The following PXDN variants were observed in gnomAD, a reference collection of about 807,000 sequenced individuals.
The protein encoded by PXDN is peroxidasin homolog.
Under a neutral mutation model 140.3 loss-of-function variants are expected in PXDN, and 77 were observed. The observed-to-expected ratio is 0.55, with a 90% CI of 0.46 to 0.66. PXDN has a LOEUF of 0.66. Ranked by LOEUF, PXDN falls within the 30% of genes least tolerant of loss-of-function variation. The pLI is 0.00. For synonymous variants in PXDN, 911 were observed against 857.4 expected (o/e 1.06, Z -1.09); for missense variants, 1,838 against 2,039.5 (o/e 0.90, Z 1.90).
At chr2:1,668,309 G>A (rs1683493185) in intron 9 of PXDN, among the ~76,000 whole-genome samples, 1 of 152,132 alleles carries the variant, frequency 6.6e-6, no homozygotes, top group South Asian at 2.1e-4. Flanking sequence ...CTCAAAGATG[G>A]ATTAAAGACT....
chr2:1,710,277 G>A (rs1684720231), intron 1 of PXDN, among the ~76,000 whole-genome samples: 1 of 152,126 alleles, frequency 6.6e-6, no homozygotes, highest in African/African-American at 2.4e-5. Flanking sequence ...AAATACAGGT[G>A]TTGCCCAAGC....
At chr2:1,691,358 C>T (rs904456719) in intron 3 of PXDN, among the ~76,000 whole-genome samples, 9 of 152,056 alleles carry the variant, frequency 5.9e-5, no homozygotes, top group South Asian at 2.1e-4. Flanking sequence ...CTGATCTCAA[C>T]GAGCAGAAGA....
rs1682920140 is a variant in PXDN, at chr2:1,648,678, C to T, written c.3102G>A (p.Trp1034Ter). The T allele has an allele frequency of 6.2e-7, 1 of 1,608,408 alleles. No homozygotes were observed. The highest frequency in any genetic ancestry group is 8.5e-7 in the Non-Finnish European group (1 of 1,177,852). Residue 1034 changes from tryptophan (W) to a stop codon, truncating the protein, a stop_gained, in exon 17 of 23, where the codon TGG becomes TGA. Coordinates refer to ENST00000252804, the MANE Select transcript of PXDN (RefSeq NM_012293.3). LOFTEE classifies it high-confidence loss of function. This position sits in a 1 kb window ranked among gnomAD's most constrained non-coding sequence, Gnocchi z 8.9. ...AEIQHITYQH[W>*]LPKILGEVGM... ...CCACCTCCCCCAGGATCTTCGGGAG[C>T]CAGTGCTGGTAGGTGATGTGCTGGA...
chr2:1,737,491 G>A (rs1393715589), intron 1 of PXDN, among the ~76,000 whole-genome samples: 1 of 151,914 alleles, frequency 6.6e-6, no homozygotes, highest in African/African-American at 2.4e-5. Context: ...TTTTGCTGTG[G>A]CCTTTTGGAT....
At chr2:1,654,342 C>T in intron 15 of PXDN, 58 bp downstream of exon 15, 12 of 1,239,528 alleles carry the variant, frequency 9.7e-6, no homozygotes, top group African/African-American at 5.9e-5. Flanking sequence ...TAATCACTCC[C>T]ACCTTCACCC....
intron 14 of PXDN, among the ~76,000 whole-genome samples, chr2:1,657,169 C>T (rs868322873): frequency 6.8e-6 from 1 of 146,640 alleles, no homozygotes; most frequent in Admixed American, 6.7e-5. Context: ...CTCCTACTGA[C>T]TGGGGGGGAA....
chr2:1,684,223 T>C (rs975677035), intron 4 of PXDN, 72 bp from the exon 5 acceptor site: 19 of 1,316,976 alleles, frequency 1.4e-5, no homozygotes, highest in South Asian at 5.1e-5. Flanking sequence ...TGCCCAAATT[T>C]TTTTCCTAGT....
chr2:1,650,559 T>C (rs1682992778), intron 16 of PXDN, among the ~76,000 whole-genome samples: 1 of 152,158 alleles, frequency 6.6e-6, no homozygotes, highest in Admixed American at 6.5e-5. Context: ...CTCCACGTCC[T>C]GGGGTCAGAC....
rs770995717 is a variant in PXDN at position 1,648,549 on chromosome 2, G to T, written c.3231C>A (p.Val1077=). Residue 1077 remains valine (V), a synonymous_variant, in exon 17 of 23, where the codon GTC becomes GTA. Transcript: ENST00000252804. This position sits in a 1 kb window ranked among gnomAD's most constrained non-coding sequence, Gnocchi z 8.9. ...CGTCCAGCCGGTAAAGCAGTGGGTT[G>T]ACAAGCGTGTGGCCAAACCTGAAGG... is the stretch of plus-strand genomic sequence containing the variant. The part of the protein sequence containing the change: ...TAAFRFGHTL[V]NPLLYRLDEN... 2 of 1,613,740 alleles carry T rather than the reference G, an allele frequency of 1.2e-6. No homozygotes were observed. Among genetic ancestry groups the T allele is most frequent in the South Asian group, 2.2e-5 (2 of 91,080 alleles).
chr2:1,666,576 A>T, intron 9 of PXDN, 90 bp from the exon 10 acceptor site: 1 of 1,413,376 alleles, frequency 7.1e-7, no homozygotes, highest in East Asian at 2.4e-5. Context: ...TATTAATTCT[A>T]TTTACCACCG....
intron 1 of PXDN, among the ~76,000 whole-genome samples, chr2:1,732,961 T>G (rs940599332): frequency 5.3e-5 from 8 of 152,164 alleles, no homozygotes; most frequent in Non-Finnish European, 1.2e-4. Context: ...TTGAAAAACA[T>G]GTAGAATTAA....
intron 14 of PXDN, among the ~76,000 whole-genome samples, chr2:1,655,715 T>C (rs1216994230): frequency 1.1e-5 from 1 of 91,100 alleles, no homozygotes; most frequent in African/African-American, 4.5e-5. Context: ...ACCTGCCCCC[T>C]CCTGACTGAA....
chr2:1,651,713 C>T lies in PXDN; in HGVS notation c.2104+1915G>A, dbSNP rs1027040298. ...CTCGCCCTTGTGGGGTCCCTGCTCA[C>T]GTGTCACCTTCGCCCATGGGGAACA... is the stretch of plus-strand genomic sequence containing the variant. On this transcript the variant is annotated intron_variant, in intron 16 of 22. Transcript: ENST00000252804. This position sits in a 1 kb window ranked among gnomAD's most constrained non-coding sequence, Gnocchi z 4.4. 1.5e-4 allele frequency among the ~76,000 whole-genome samples: 23 copies of T among 152,308 alleles called. No individual in the cohort carries two copies. Among genetic ancestry groups the T allele is most frequent in the Admixed American group, 1.1e-3 (17 of 15,308 alleles).
chr2:1,657,157 GC>G (rs1424107400), intron 14 of PXDN, among the ~76,000 whole-genome samples: 3 of 135,376 alleles, frequency 2.2e-5, no homozygotes, highest in Non-Finnish European at 4.8e-5. Flanking sequence ...GGGGGGACCT[GC>G]CTCCTACTGA....
intron 17 of PXDN, among the ~76,000 whole-genome samples, chr2:1,645,190 A>G (rs1028558495): frequency 1.3e-5 from 2 of 152,224 alleles, no homozygotes; most frequent in Non-Finnish European, 2.9e-5. Context: ...TTTTTAAAGA[A>G]TAACATTTGA....
Position 1,674,386 on chromosome 2 carries a change from A to G in PXDN, c.849-574T>C, listed in dbSNP as rs143268798. On this transcript the variant is annotated intron_variant, in intron 8 of 22. Coordinates refer to ENST00000252804, the MANE Select transcript of PXDN (RefSeq NM_012293.3). ...CAGACCTCTCTATCTGTATTTTAACAAACAGTGCCTGCAAGCTGCTGGTTG... is the reference window on the plus strand; with the variant it reads ...CAGACCTCTCTATCTGTATTTTAACGAACAGTGCCTGCAAGCTGCTGGTTG... Among the ~76,000 whole-genome samples the G allele has an allele frequency of 2.7e-3, 415 of 152,256 alleles. 1 individual carries two copies. The highest frequency in any genetic ancestry group is 9.6e-3 in the African/African-American group (397 of 41,552).
At chr2:1,740,851 T>C (rs1207760976) in intron 1 of PXDN, among the ~76,000 whole-genome samples, 1 of 152,150 alleles carries the variant, frequency 6.6e-6, no homozygotes, top group Non-Finnish European at 1.5e-5. Context: ...GTCTGGAGAT[T>C]CTGCAGGAGA....
rs574442204 is a variant in PXDN, at chr2:1,699,714, A to AAAAC, written c.201-6584_201-6581dup. Among the ~76,000 whole-genome samples the AAAAC allele has an allele frequency of 3.1e-4, 47 of 152,332 alleles. No homozygotes were observed. The East Asian group carries it at 4.6e-3, about 15-fold the overall frequency. ...AACAAGAGCGAAACTCTGTCTCACCAAAACAAACAAACAAACAAACAAAAA... is the reference window on the plus strand; with the variant it reads ...AACAAGAGCGAAACTCTGTCTCACCAAAACAAACAAACAAACAAACAAACAAAAA... On this transcript the variant is annotated intron_variant, in intron 1 of 22. Transcript: ENST00000252804.
intron 13 of PXDN, 77 bp from the exon 14 acceptor site, chr2:1,661,114 G>C: frequency 2.6e-6 from 4 of 1,542,510 alleles, no homozygotes; most frequent in Non-Finnish European, 3.5e-6. Flanking sequence ...GGTTGGGGGA[G>C]GGGAGCCATT....
Sources: gnomAD v4.1 joint callset for allele counts (sites outside exome capture counted in the v4.1 genomes callset) on GRCh38, gnomAD v4.1.1 for gene constraint, Gnocchi (gnomAD v3.1) non-coding constraint, MANE v1.5 for transcripts, NCBI Gene and HGNC (gene_info 2026-07-23, HGNC 2026-07-21) for gene names.